TENM2: variants seen among roughly 807,000 people sequenced by gnomAD.
TENM2 encodes the protein teneurin transmembrane protein 2, also known as teneurin-2.
A neutral mutation model predicts 245.2 loss-of-function variants in TENM2; 52 were observed. That is an observed-to-expected ratio of 0.21 (90% CI 0.17 to 0.27). The LOEUF is 0.27. TENM2 is among the 10% of genes least tolerant of loss of function. The pLI, the probability that TENM2 is intolerant of heterozygous loss-of-function variation, is 1.00. For missense variants in TENM2, 3,046 were observed against 3,666.8 expected (o/e 0.83, Z 4.37); for synonymous variants, 1,363 against 1,438.9 (o/e 0.95, Z 1.19).
At chr5:167,207,494 C>T in the TENM2 span, among the ~76,000 whole-genome samples, 1 of 152,248 alleles carries the variant, frequency 6.6e-6, no homozygotes, top group East Asian at 1.9e-4. Context: ...TTTTAAAATG[C>T]TGTGTGGACC....
intron 2 of TENM2, among the ~76,000 whole-genome samples, chr5:167,858,895 C>G (rs1270345055): frequency 2.3e-5 from 3 of 132,710 alleles, no homozygotes; most frequent in Non-Finnish European, 4.9e-5. Context: ...CTTGGCCTCC[C>G]AAAGTGCCGA....
intron 3 of TENM2, among the ~76,000 whole-genome samples, chr5:167,916,997 T>C (rs1257377815): frequency 2.0e-5 from 3 of 152,178 alleles, no homozygotes; most frequent in Non-Finnish European, 2.9e-5. Context: ...CACCCAGGGC[T>C]AGGGCAGGAA....
chr5:168,139,889 A>G (rs1344408770), intron 12 of TENM2, among the ~76,000 whole-genome samples: 3 of 152,194 alleles, frequency 2.0e-5, no homozygotes, highest in Admixed American at 2.0e-4. Context: ...AGATATTTGG[A>G]TTGTTATGTA....
chr5:167,548,010 G>C (rs1772678382), intron 2 of TENM2, among the ~76,000 whole-genome samples: 1 of 152,118 alleles, frequency 6.6e-6, no homozygotes, highest in Non-Finnish European at 1.5e-5. Context: ...ACAGGTTAAA[G>C]GAATAAGAAC....
At chr5:167,805,376 C>T (rs1023892476) in intron 2 of TENM2, among the ~76,000 whole-genome samples, 4 of 152,152 alleles carry the variant, frequency 2.6e-5, no homozygotes, top group African/African-American at 9.7e-5. Flanking sequence ...AGAAAAGGTT[C>T]AGACGCCTGT....
At chr5:167,583,464 G>C (rs1161554002) in intron 2 of TENM2, among the ~76,000 whole-genome samples, 1 of 103,200 alleles carries the variant, frequency 9.7e-6, no homozygotes, top group Admixed American at 1.1e-4. Context: ...AAGGCATTAT[G>C]AGTATATGTA....
intron 2 of TENM2, among the ~76,000 whole-genome samples, chr5:167,595,673 GTCTGAGGAAGGAAGCC>G (rs1776155449): frequency 6.6e-6 from 1 of 152,178 alleles, no homozygotes. Context: ...ACTTATTTGT[GTCTGAGGAAGGAAGCC>G]TCTTATATCA....
intron 13 of TENM2, among the ~76,000 whole-genome samples, chr5:168,190,038 C>T (rs975777184): frequency 4.6e-5 from 7 of 152,196 alleles, no homozygotes; most frequent in African/African-American, 1.7e-4. Context: ...TCAAATAATA[C>T]GTGTTCATAG....
the TENM2 span, among the ~76,000 whole-genome samples, chr5:167,173,706 AGTGTGTGTGT>A: frequency 3.5e-5 from 5 of 144,234 alleles, no homozygotes; most frequent in Non-Finnish European, 6.2e-5. Flanking sequence ...AGGTGATTTG[AGTGTGTGTGT>A]GTGTGTGTGT....
At chr5:167,567,701 C>G (rs1773996970) in intron 2 of TENM2, among the ~76,000 whole-genome samples, 1 of 151,464 alleles carries the variant, frequency 6.6e-6, no homozygotes, top group Admixed American at 6.6e-5. Flanking sequence ...CACACACACA[C>G]AAATACATAA....
intron 1 of TENM2, among the ~76,000 whole-genome samples, chr5:167,358,636 T>G: frequency 6.6e-6 from 1 of 151,866 alleles, no homozygotes; most frequent in East Asian, 1.9e-4. Flanking sequence ...AACTGGGGAT[T>G]TTCTCCAGTT....
At chr5:167,255,649 A>C in the TENM2 span, among the ~76,000 whole-genome samples, 1 of 152,082 alleles carries the variant, frequency 6.6e-6, no homozygotes, top group Non-Finnish European at 1.5e-5. Context: ...TTACAGCTAC[A>C]TTTTTTTCAA....
chr5:167,673,016 A>G (rs765172361), intron 2 of TENM2, among the ~76,000 whole-genome samples: 4 of 151,948 alleles, frequency 2.6e-5, no homozygotes, highest in Non-Finnish European at 5.9e-5. Context: ...CCAACCCCCA[A>G]AACACACCCA....
chr5:167,482,819 G>A (rs1010885730), intron 2 of TENM2, among the ~76,000 whole-genome samples: 1 of 152,194 alleles, frequency 6.6e-6, no homozygotes, highest in Admixed American at 6.5e-5. Flanking sequence ...TTGACATACA[G>A]TGCTTACTCA....
rs181982943 is a variant in TENM2 at position 167,585,545 on chromosome 5, A to G, written c.502+210072A>G. On this transcript the variant is annotated intron_variant, in intron 2 of 28. Coordinates refer to ENST00000518659, the Ensembl canonical transcript of TENM2. ...TAGGCCTATGGGACCATGTCACTTT[A>G]TGTGAGGATATTGTACTCCCAAATT... 7.1e-3 allele frequency among the ~76,000 whole-genome samples: 1,078 copies of G among 152,302 alleles called. 2 individuals carry two copies. The highest frequency in any genetic ancestry group is 0.011 in the Non-Finnish European group (742 of 68,014).
At chr5:167,631,561 G>A (rs1030007554) in intron 2 of TENM2, among the ~76,000 whole-genome samples, 2 of 152,102 alleles carry the variant, frequency 1.3e-5, no homozygotes, top group East Asian at 1.9e-4. Context: ...TGGAATGTGA[G>A]CGAACTCATG....
At chr5:168,138,234 C>T (rs1371830107) in intron 12 of TENM2, among the ~76,000 whole-genome samples, 4 of 152,154 alleles carry the variant, frequency 2.6e-5, no homozygotes, top group African/African-American at 9.7e-5. Context: ...CTTTAACAAG[C>T]TATGTGTCTT....
At chr5:167,132,332 A>G in the TENM2 span, among the ~76,000 whole-genome samples, 1 of 152,108 alleles carries the variant, frequency 6.6e-6, no homozygotes, top group East Asian at 1.9e-4. Context: ...GACCTCCATC[A>G]CCATGCAACA....
At chr5:167,601,326 G>C (rs978990745) in intron 2 of TENM2, among the ~76,000 whole-genome samples, 7 of 152,276 alleles carry the variant, frequency 4.6e-5, no homozygotes, top group Non-Finnish European at 1.0e-4. Flanking sequence ...AAATGTGGTA[G>C]TGTGACTGAG....
Sources: gnomAD v4.1 joint callset for allele counts (sites outside exome capture counted in the v4.1 genomes callset) on GRCh38, gnomAD v4.1.1 for gene constraint, MANE v1.5 for transcripts, NCBI Gene and HGNC (gene_info 2026-07-23, HGNC 2026-07-21) for gene names.